The following PSMB5 variants were observed in gnomAD, a reference collection of about 807,000 sequenced individuals.
The protein encoded by PSMB5 is proteasome subunit beta type-5.
A neutral mutation model predicts 22.8 loss-of-function variants in PSMB5; 2 were observed. The observed-to-expected ratio is 0.09, with a 90% CI of 0.04 to 0.28. The LOEUF is 0.28. PSMB5 is among the 10% of genes least tolerant of loss of function. The pLI, the probability that PSMB5 is intolerant of heterozygous loss-of-function variation, is 1.00. For missense variants in PSMB5, 269 were observed against 343.8 expected, an observed-to-expected ratio of 0.78 and a Z score of 1.72; for synonymous variants, 133 against 135.3, an observed-to-expected ratio of 0.98 and a Z score of 0.12.
intron 2 of PSMB5, among the ~76,000 whole-genome samples, chr14:23,032,789 G>A (rs1018457663): frequency 1.0e-4 from 15 of 150,678 alleles, no homozygotes; most frequent in African/African-American, 3.2e-4. Context: ...TGGTAGAGAC[G>A]GGGTTTCACC....
At chr14:23,028,749 A>G (rs1408055463) in intron 2 of PSMB5, among the ~76,000 whole-genome samples, 1 of 152,248 alleles carries the variant, frequency 6.6e-6, no homozygotes, top group African/African-American at 2.4e-5. Flanking sequence ...TAAAATATTT[A>G]CTATTTGGCC....
chr14:23,026,746 G>A (rs912190259), intron 2 of PSMB5, among the ~76,000 whole-genome samples: 11 of 146,372 alleles, frequency 7.5e-5, no homozygotes, highest in Non-Finnish European at 1.1e-4. Context: ...CACCTCGCCC[G>A]GCCAGCAGTA....
chr14:23,030,794 C>T (rs922575207), intron 2 of PSMB5, among the ~76,000 whole-genome samples: 1 of 151,734 alleles, frequency 6.6e-6, no homozygotes, highest in Non-Finnish European at 1.5e-5. Flanking sequence ...GGCAGGGTGG[C>T]GGGTGTCTGT....
At position 23,026,311 on chromosome 14, in the gene PSMB5, G is replaced by C; in HGVS notation, c.570C>G (p.Gly190=). The change falls in exon 3 of 3, where the codon GGC becomes GGG. Residue 190 remains glycine, a synonymous_variant. Transcript: ENST00000361611. ...CCATGACCCCATATGCATACACAGA[G>C]CCAGAACCTACAGAGAAGGTGGCCC... is the stretch of plus-strand genomic sequence containing the variant. ...ISGATFSVGS[G]SVYAYGVMDR... 1.2e-6 allele frequency: 2 copies of C among 1,614,006 alleles called. No homozygotes were observed. The highest frequency in any genetic ancestry group is 1.7e-6 in the Non-Finnish European group (2 of 1,180,000).
At chr14:23,027,380 C>CAAA (rs768416022) in intron 2 of PSMB5, among the ~76,000 whole-genome samples, 5 of 113,426 alleles carry the variant, frequency 4.4e-5, no homozygotes, top group African/African-American at 6.5e-5. Flanking sequence ...GACTTTGTCT[C>CAAA]AAAAAAAAAA....
In PSMB5 at chr14:23,033,525, C is replaced by A. The variant is rs1229325877; in HGVS notation, c.348G>T (p.Arg116=). 1.9e-6 allele frequency: 3 copies of A among 1,614,150 alleles called. No homozygotes were observed. The highest frequency in any genetic ancestry group is 3.3e-5 in the Admixed American group (2 of 60,016). Residue 116 remains arginine (R), a synonymous_variant, in exon 2 of 3, where the codon CGG becomes CGT. Transcript: ENST00000361611. Reference sequence around the variant, plus strand: ...AGATTCGACATTGCCGAGCCAACAGCCGTTCCCAGAAGCTGCAATCCGCTG... The same window carrying A: ...AGATTCGACATTGCCGAGCCAACAGACGTTCCCAGAAGCTGCAATCCGCTG... ...GGAADCSFWE[R]LLARQCRIYE... is the part of the protein sequence containing the mutation.
At chr14:23,027,278 G>A (rs559697153) in intron 2 of PSMB5, among the ~76,000 whole-genome samples, 4 of 151,080 alleles carry the variant, frequency 2.6e-5, no homozygotes, top group Non-Finnish European at 5.9e-5. Flanking sequence ...CTACTCAGGA[G>A]GCTGAGGCAG....
intron 2 of PSMB5, among the ~76,000 whole-genome samples, chr14:23,030,989 G>A (rs904199535): frequency 1.3e-5 from 2 of 152,152 alleles, no homozygotes; most frequent in African/African-American, 4.8e-5. Context: ...CAAATTCTGG[G>A]AATGTGTATT....
intron 2 of PSMB5, among the ~76,000 whole-genome samples, chr14:23,029,424 CCT>C (rs1364832990): frequency 6.6e-6 from 1 of 152,168 alleles, no homozygotes; most frequent in African/African-American, 2.4e-5. Context: ...GTTCCCTTTC[CCT>C]TTTTTACATC....
intron 2 of PSMB5, among the ~76,000 whole-genome samples, chr14:23,028,833 G>A (rs1245372147): frequency 2.6e-5 from 4 of 152,154 alleles, no homozygotes; most frequent in Admixed American, 2.6e-4. Context: ...ACTGCCTACT[G>A]GATCCCTCCA....
chr14:23,026,260 T>C lies in PSMB5; in HGVS notation c.621A>G (p.Glu207=), dbSNP rs766491079. 2.5e-6 allele frequency: 4 copies of C among 1,614,088 alleles called. 1 individual carries two copies. In the South Asian group the frequency reaches 4.4e-5, roughly 18 times the overall value. The part of the protein sequence containing the change: ...VMDRGYSYDL[E]VEQAYDLARR... ...GGGCCAGATCATAGGCCTGCTCCACTTCCAGGTCATAGGAATAGCCCCGAT... is the reference window on the plus strand; with the variant it reads ...GGGCCAGATCATAGGCCTGCTCCACCTCCAGGTCATAGGAATAGCCCCGAT... Residue 207 remains glutamate (E), a synonymous_variant, in exon 3 of 3, where the codon GAA becomes GAG. Transcript: ENST00000361611.
chr14:23,032,129 A>G (rs2046957120), intron 2 of PSMB5, among the ~76,000 whole-genome samples: 1 of 152,156 alleles, frequency 6.6e-6, no homozygotes, highest in Non-Finnish European at 1.5e-5. Context: ...GGCCCCTTCT[A>G]GGCCAAAGAC....
In PSMB5 at chr14:23,025,979, G is replaced by C; in HGVS notation, c.*110C>G. The C allele has an allele frequency of 6.5e-7, 1 of 1,531,628 alleles. No individual in the cohort carries two copies. Among genetic ancestry groups the C allele is most frequent in the Non-Finnish European group, 8.8e-7 (1 of 1,141,090 alleles). 94.9% of individuals were successfully genotyped at this position (1,531,628 alleles called of 1,614,324 possible). On this transcript the variant is annotated 3_prime_UTR_variant, in exon 3 of 3. Transcript: ENST00000361611. ...GTGCCAGAGCTTAAAAAAAAGTACTGATACAATTGAAGGCCCTTCCACTAT... is the reference window on the plus strand; with the variant it reads ...GTGCCAGAGCTTAAAAAAAAGTACTCATACAATTGAAGGCCCTTCCACTAT...
chr14:23,034,965 C>T, upstream of PSMB5: 2 of 1,493,272 alleles, frequency 1.3e-6, no homozygotes, highest in Non-Finnish European at 1.8e-6. Context: ...AGCTTCACTT[C>T]CTATTAAATC....
At chr14:23,034,553 C>A in intron 1 of PSMB5, 131 bp downstream of exon 1, 1 of 1,052,688 alleles carries the variant, frequency 9.5e-7, no homozygotes, top group Non-Finnish European at 1.3e-6. Flanking sequence ...AAAACTGCTG[C>A]GGTCCGAACG....
upstream of PSMB5, chr14:23,035,164 A>C: frequency 2.3e-6 from 1 of 427,754 alleles, no homozygotes; most frequent in Non-Finnish European, 4.1e-6. Flanking sequence ...ATAACCTCAA[A>C]ATCACAGGAA....
chr14:23,031,092 A>G (rs564135651), intron 2 of PSMB5, among the ~76,000 whole-genome samples: 1 of 152,322 alleles, frequency 6.6e-6, no homozygotes, highest in African/African-American at 2.4e-5. Context: ...AATATGAGGC[A>G]AGGGGCTGAC....
chr14:23,034,906 A>T, upstream of PSMB5: 1 of 1,607,748 alleles, frequency 6.2e-7, no homozygotes, highest in Non-Finnish European at 8.5e-7. Flanking sequence ...GAAAGAACTA[A>T]TTCTGAGAAC....
intron 2 of PSMB5, among the ~76,000 whole-genome samples, chr14:23,027,490 AATT>A (rs1384045830): frequency 3.3e-5 from 5 of 149,800 alleles, no homozygotes; most frequent in Admixed American, 2.7e-4. Context: ...ACTTCTATAA[AATT>A]ATTATTATTT....
Sources: allele counts gnomAD v4.1 joint callset (sites outside exome capture counted in the v4.1 genomes callset), GRCh38; gene constraint gnomAD v4.1.1; transcripts MANE v1.5; gene names NCBI Gene and HGNC (gene_info 2026-07-23, HGNC 2026-07-21).